Variants in ENTPD3 observed in about 807,000 individuals in gnomAD.
The protein encoded by ENTPD3 is ectonucleoside triphosphate diphosphohydrolase 3.
Under a neutral mutation model 51.2 loss-of-function variants are expected in ENTPD3, and 60 were observed. The observed-to-expected ratio is 1.17, with a 90% CI of 0.95 to 1.45. The LOEUF is 1.45. Ranked by LOEUF, ENTPD3 falls within the 40% of genes most tolerant of loss-of-function variation. The pLI, the probability that ENTPD3 is intolerant of heterozygous loss-of-function variation, is 0.00. For missense variants in ENTPD3, 593 were observed against 641.1 expected (o/e 0.93, Z 0.81); for synonymous variants, 221 against 238.4 (o/e 0.93, Z 0.67).
At chr3:40,426,475 AAAGT>A (rs1462368901) in intron 10 of ENTPD3, among the ~76,000 whole-genome samples, 5 of 152,264 alleles carry the variant, frequency 3.3e-5, no homozygotes, top group African/African-American at 4.8e-5. Flanking sequence ...TGAAAATTTA[AAAGT>A]AAGATATTAG....
chr3:40,405,741 A>G (rs921507433), intron 4 of ENTPD3, among the ~76,000 whole-genome samples: 1 of 152,134 alleles, frequency 6.6e-6, no homozygotes, highest in African/African-American at 2.4e-5. Flanking sequence ...TTATGCAAAC[A>G]GGCTGTCTGG....
rs1955077821 is a variant in ENTPD3 at position 40,392,312 on chromosome 3, A to G, written c.168+162A>G. Reference sequence around the variant, plus strand: ...AAGACGCAAGGGAGAAGGTCTGGACATGCTGGGTTTGTGATATTTGAGGCT... The same window carrying G: ...AAGACGCAAGGGAGAAGGTCTGGACGTGCTGGGTTTGTGATATTTGAGGCT... On this transcript the variant is annotated intron_variant, in intron 3 of 10. Coordinates refer to ENST00000301825, the MANE Select transcript of ENTPD3 (RefSeq NM_001248.4). 5.3e-6 allele frequency: 4 copies of G among 757,212 alleles called. No homozygotes were observed. In the South Asian group the frequency reaches 8.1e-5, roughly 15 times the overall value. 46.9% of individuals were successfully genotyped at this position (757,212 alleles called of 1,614,324 possible).
At chr3:40,420,740 T>A (rs1054762967) in intron 7 of ENTPD3, among the ~76,000 whole-genome samples, 1 of 152,158 alleles carries the variant, frequency 6.6e-6, no homozygotes, top group African/African-American at 2.4e-5. Flanking sequence ...ATTAAGCTTT[T>A]ATAGGATTTT....
Position 40,399,263 on chromosome 3 carries a change from G to A in ENTPD3, c.169-1631G>A, listed in dbSNP as rs556737091. ...TAGAAAAGATACAACAAGGGCTAACGCAATAGTTGGATTTGAGGGATGCTT... is the reference window on the plus strand; with the variant it reads ...TAGAAAAGATACAACAAGGGCTAACACAATAGTTGGATTTGAGGGATGCTT... On this transcript the variant is annotated intron_variant, in intron 3 of 10. Transcript: ENST00000301825. Among the ~76,000 whole-genome samples, 149 of 152,200 alleles carry A rather than the reference G, an allele frequency of 9.8e-4. 1 individual carries two copies. The highest frequency in any genetic ancestry group is 9.7e-3 in the South Asian group (47 of 4,824).
At chr3:40,392,349 G>T in intron 3 of ENTPD3, 199 bp downstream of exon 3, 1 of 605,054 alleles carries the variant, frequency 1.7e-6, no homozygotes, top group Non-Finnish European at 2.8e-6. Flanking sequence ...CAAATTGAGG[G>T]TAGTGACTGA....
intron 7 of ENTPD3, among the ~76,000 whole-genome samples, chr3:40,419,692 T>C (rs1395739979): frequency 6.6e-6 from 1 of 152,224 alleles, no homozygotes; most frequent in Non-Finnish European, 1.5e-5. Flanking sequence ...ATAAAATGTA[T>C]AGTTTTCATC....
At chr3:40,394,801 G>A (rs1482080662) in intron 3 of ENTPD3, among the ~76,000 whole-genome samples, 1 of 152,214 alleles carries the variant, frequency 6.6e-6, no homozygotes, top group Non-Finnish European at 1.5e-5. Context: ...AATTGAAGGA[G>A]AGGAGTTAAG....
chr3:40,421,855 T>G (rs1348081164), intron 7 of ENTPD3, among the ~76,000 whole-genome samples: 1 of 152,090 alleles, frequency 6.6e-6, no homozygotes, highest in African/African-American at 2.4e-5. Flanking sequence ...TGCCAGATCT[T>G]TGGAAGGATA....
intron 2 of ENTPD3, among the ~76,000 whole-genome samples, chr3:40,388,826 T>G (rs1345867339): frequency 6.6e-6 from 1 of 152,206 alleles, no homozygotes; most frequent in Non-Finnish European, 1.5e-5. Context: ...AATAAGCTTT[T>G]CTGCAAGGAC....
intron 4 of ENTPD3, 130 bp downstream of exon 4, chr3:40,401,141 A>G (rs1267989819): frequency 1.5e-5 from 11 of 717,802 alleles, no homozygotes; most frequent in Non-Finnish European, 2.7e-5. Flanking sequence ...GAGTCAGGAA[A>G]TAGGAGATCG....
intron 7 of ENTPD3, among the ~76,000 whole-genome samples, chr3:40,421,605 C>A (rs898325271): frequency 1.3e-5 from 2 of 151,996 alleles, no homozygotes; most frequent in African/African-American, 2.4e-5. Context: ...TGATTGGGAA[C>A]CACCTCAATG....
At chr3:40,412,148 G>C (rs1050095584) in intron 5 of ENTPD3, among the ~76,000 whole-genome samples, 186 bp downstream of exon 5, 5 of 152,186 alleles carry the variant, frequency 3.3e-5, no homozygotes, top group African/African-American at 1.2e-4. Context: ...TACCCAGAAA[G>C]AAACAGTTCT....
At chr3:40,388,594 A>C (rs1381956341) in intron 2 of ENTPD3, among the ~76,000 whole-genome samples, 1 of 138,234 alleles carries the variant, frequency 7.2e-6, no homozygotes, top group African/African-American at 3.1e-5. Flanking sequence ...AGACACACAC[A>C]CACACACACA....
Position 40,414,888 on chromosome 3 carries a change from C to G in ENTPD3, c.597+48C>G, listed in dbSNP as rs995288243. 4 of 1,594,154 alleles carry G rather than the reference C, an allele frequency of 2.5e-6. No homozygotes were observed. The Admixed American group carries it at 6.7e-5, about 27-fold the overall frequency. ...TTTTTAATCTTACTGTTTATCCTAT[C>G]CCCTGTGAGTGATAGCCTAAGTAGA... On this transcript the variant is annotated intron_variant, in intron 6 of 10. Coordinates refer to ENST00000301825, the MANE Select transcript of ENTPD3 (RefSeq NM_001248.4).
At chr3:40,425,811 T>C (rs1955969321) in intron 10 of ENTPD3, among the ~76,000 whole-genome samples, 2 of 151,312 alleles carry the variant, frequency 1.3e-5, no homozygotes, top group African/African-American at 2.4e-5. Context: ...GGCAGGAGAA[T>C]TGCTTGAAAC....
At position 40,427,354 on chromosome 3, in the gene ENTPD3, G is replaced by A. The variant is rs766379734; in HGVS notation, c.1436G>A (p.Arg479His). ...NQIPAESPLI[R>H]LPIEPPVFVG... Reference sequence around the variant, plus strand: ...ATCCCAGCTGAAAGCCCTCTGATCCGTCTGCCCATAGAACCACCTGTCTTT... The same window carrying A: ...ATCCCAGCTGAAAGCCCTCTGATCCATCTGCCCATAGAACCACCTGTCTTT... The change falls in exon 11 of 11, where the codon CGT becomes CAT. Residue 479 changes from arginine (R) to histidine (H), a missense_variant. By Grantham distance (29) the Arg-to-His change is conservative (BLOSUM62 0). Transcript: ENST00000301825. The A allele has an allele frequency of 5.1e-5, 82 of 1,614,012 alleles. No homozygotes were observed. The highest frequency in any genetic ancestry group is 1.6e-4 in the African/African-American group (12 of 74,898).
At chr3:40,421,435 T>G (rs1164928045) in intron 7 of ENTPD3, among the ~76,000 whole-genome samples, 2 of 152,104 alleles carry the variant, frequency 1.3e-5, no homozygotes, top group African/African-American at 4.8e-5. Context: ...TCAACAACAT[T>G]CAGGACTTTA....
chr3:40,412,346 G>A (rs773185262), intron 5 of ENTPD3, among the ~76,000 whole-genome samples: 17 of 152,228 alleles, frequency 1.1e-4, no homozygotes, highest in South Asian at 2.1e-4. Flanking sequence ...TGTAGCTTCC[G>A]CTTGTGTACA....
At chr3:40,407,959 C>T (rs2125599331) in intron 4 of ENTPD3, among the ~76,000 whole-genome samples, 1 of 152,280 alleles carries the variant, frequency 6.6e-6, no homozygotes, top group East Asian at 1.9e-4. Flanking sequence ...TGAATCTGAT[C>T]ACATTTCTAG....
Sources: gnomAD v4.1 joint callset for allele counts (sites outside exome capture counted in the v4.1 genomes callset) on GRCh38, gnomAD v4.1.1 for gene constraint, MANE v1.5 for transcripts, NCBI Gene and HGNC (gene_info 2026-07-23, HGNC 2026-07-21) for gene names.